The following LTF variants were observed in gnomAD, a reference collection of about 807,000 sequenced individuals.
LTF encodes the protein epididymis luminal protein 110.
LTF carries 91 observed loss-of-function variants against 87.2 expected under a neutral mutation model. That is an observed-to-expected ratio of 1.04 (90% CI 0.88 to 1.24). LTF has a LOEUF of 1.24. LTF is among the 50% of genes most tolerant of loss of function. LTF has a pLI of 0.00. For synonymous variants in LTF, 378 were observed against 356.1 expected (o/e 1.06, Z -0.69); for missense variants, 901 against 904.3 (o/e 1.00, Z 0.05).
intron 6 of LTF, among the ~76,000 whole-genome samples, chr3:46,452,428 G>T (rs778426993): frequency 9.2e-5 from 14 of 152,194 alleles, no homozygotes; most frequent in Admixed American, 5.2e-4. Context: ...TAAATATGCT[G>T]ATTTTTCATG....
At chr3:46,479,131 G>A (rs1703399576) in intron 1 of LTF, among the ~76,000 whole-genome samples, 1 of 152,240 alleles carries the variant, frequency 6.6e-6, no homozygotes, top group Non-Finnish European at 1.5e-5. Context: ...AACAGAAGAA[G>A]CATGGAGAAC....
At chr3:46,437,493 A>T (rs539699830) in intron 16 of LTF, among the ~76,000 whole-genome samples, 49 of 151,948 alleles carry the variant, frequency 3.2e-4, no homozygotes, top group African/African-American at 1.2e-3. Context: ...GCTAATTTTT[A>T]AAATTATTTT....
chr3:46,456,862 A>G (rs1249959727), intron 2 of LTF, among the ~76,000 whole-genome samples: 1 of 152,144 alleles, frequency 6.6e-6, no homozygotes, highest in Non-Finnish European at 1.5e-5. Flanking sequence ...GCAATGTGGG[A>G]TAGTTTAGTG....
chr3:46,451,344 C>T (rs189505175), intron 6 of LTF, among the ~76,000 whole-genome samples: 19 of 152,188 alleles, frequency 1.2e-4, no homozygotes, highest in African/African-American at 3.4e-4. Context: ...TTGTAAATAA[C>T]GTACTAACTA....
At chr3:46,453,231 C>A (rs1702844667) in intron 6 of LTF, among the ~76,000 whole-genome samples, 1 of 152,208 alleles carries the variant, frequency 6.6e-6, no homozygotes, top group Non-Finnish European at 1.5e-5. Flanking sequence ...ATCAAACTCA[C>A]CAGCTGTCAG....
At chr3:46,473,123 C>G (rs1703316367) in intron 1 of LTF, among the ~76,000 whole-genome samples, 1 of 152,124 alleles carries the variant, frequency 6.6e-6, no homozygotes, top group African/African-American at 2.4e-5. Context: ...CTTCTGACCA[C>G]TCTCCTGACC....
At chr3:46,462,480 G>T (rs562088768) in intron 1 of LTF, among the ~76,000 whole-genome samples, 65 of 152,232 alleles carry the variant, frequency 4.3e-4, no homozygotes, top group Non-Finnish European at 6.6e-4. Flanking sequence ...TTGGATCTAG[G>T]ACTCCAACCT....
Position 46,449,002 on chromosome 3 carries a change from G to T in LTF, c.1073C>A (p.Ala358Asp). 1 of 1,609,386 alleles carries T rather than the reference G, an allele frequency of 6.2e-7. No homozygotes were observed. The highest frequency in any genetic ancestry group is 8.5e-7 in the Non-Finnish European group (1 of 1,178,256). ...QNLRKSEEEV[A>D]ARRARVVWCA... ...CCACACGACCCGCGCACGCCGGGCA[G>T]CCACTTCCTCCTCACCTGCCAGAGG... The change falls in exon 9 of 17, where the codon GCT (alanine) becomes GAT (aspartate). Residue 358 changes from alanine to aspartate, a missense_variant. Physicochemically the swap from Ala to Asp is moderately radical, Grantham distance 126 (BLOSUM62 -2). Coordinates refer to ENST00000231751, the MANE Select transcript of LTF (RefSeq NM_002343.6).
chr3:46,436,753 A>C (rs748147747), intron 16 of LTF, among the ~76,000 whole-genome samples: 1 of 152,210 alleles, frequency 6.6e-6, no homozygotes, highest in Non-Finnish European at 1.5e-5. Flanking sequence ...CATATTTCTC[A>C]GAGGGTGGTC....
At chr3:46,467,065 G>A (rs61243940), upstream of LTF, among the ~76,000 whole-genome samples, 2,732 of 152,244 alleles carry the variant, frequency 0.018, 78 homozygotes, top group African/African-American at 0.061. Flanking sequence ...TTTTCCTGCT[G>A]TGCCTGTTGG....
rs1200910034 is a variant in LTF at position 46,436,172 on chromosome 3, G to T, written c.*23C>A. ...AGTGAATGGCTGAGGCTTTCTTGGG[G>T]AGCTGGGCCATCTTCTTCGGTTTTA... On this transcript the variant is annotated 3_prime_UTR_variant, in exon 17 of 17. Coordinates refer to ENST00000231751, the MANE Select transcript of LTF (RefSeq NM_002343.6). 1 of 1,613,954 alleles carries T rather than the reference G, an allele frequency of 6.2e-7. No homozygotes were observed. The highest frequency in any genetic ancestry group is 8.5e-7 in the Non-Finnish European group (1 of 1,179,800).
intron 1 of LTF, among the ~76,000 whole-genome samples, chr3:46,462,158 G>A (rs977008439): frequency 6.6e-6 from 1 of 152,212 alleles, no homozygotes; most frequent in Non-Finnish European, 1.5e-5. Flanking sequence ...GTGACCCAGT[G>A]AGCATTAACT....
intron 5 of LTF, among the ~76,000 whole-genome samples, chr3:46,454,887 G>T (rs1702888388): frequency 6.6e-6 from 1 of 152,232 alleles, no homozygotes; most frequent in Admixed American, 6.5e-5. Context: ...ACATCAGCCT[G>T]GACACTGCAG....
At chr3:46,438,861 G>A (rs1364157007) in intron 15 of LTF, among the ~76,000 whole-genome samples, 1 of 152,170 alleles carries the variant, frequency 6.6e-6, no homozygotes, top group African/African-American at 2.4e-5. Flanking sequence ...TAAATCTATA[G>A]GGCACCTTCT....
chr3:46,459,527 G>A, intron 2 of LTF, 129 bp downstream of exon 2: 1 of 868,636 alleles, frequency 1.2e-6, no homozygotes, highest in South Asian at 4.0e-5. Context: ...CTGTGAGAGA[G>A]GACGGCTCCC....
chr3:46,475,795 G>A (rs374999464), intron 1 of LTF, among the ~76,000 whole-genome samples: 26 of 152,190 alleles, frequency 1.7e-4, no homozygotes, highest in African/African-American at 5.8e-4. Flanking sequence ...CACCACCCAG[G>A]TCAAAGAAAA....
chr3:46,450,368 A>T, intron 7 of LTF, 127 bp downstream of exon 7: 1 of 993,092 alleles, frequency 1.0e-6, no homozygotes, highest in Non-Finnish European at 1.5e-6. Context: ...AAGCAGCCCA[A>T]TGCATTAGTG....
chr3:46,462,978 C>T (rs1282250043), intron 1 of LTF, among the ~76,000 whole-genome samples: 1 of 152,106 alleles, frequency 6.6e-6, no homozygotes, highest in Non-Finnish European at 1.5e-5. Context: ...GACTAAAGGA[C>T]CGCTGAGCTC....
At position 46,436,296 on chromosome 3, in the gene LTF, A is replaced by G. The variant is rs1575301091; in HGVS notation, c.2099-67T>C. The G allele has an allele frequency of 2.8e-6, 4 of 1,419,508 alleles. No individual in the cohort carries two copies. In the East Asian group the frequency reaches 6.8e-5, roughly 24 times the overall value. The allele number at this position is 1,419,508 out of a possible 1,614,324, so 87.9% of individuals were successfully genotyped here. ...TTCCATTAAACCAGTTATTTAATCC[A>G]ATAAATCAAAGAGAATACTAAGAGT... is the stretch of plus-strand genomic sequence containing the variant. On this transcript the variant is annotated intron_variant, in intron 16 of 16. Transcript: ENST00000231751.
Sources: gnomAD v4.1 joint callset for allele counts (sites outside exome capture counted in the v4.1 genomes callset) on GRCh38, gnomAD v4.1.1 for gene constraint, MANE v1.5 for transcripts, NCBI Gene and HGNC (gene_info 2026-07-23, HGNC 2026-07-21) for gene names.